The following TMEM117 variants were observed in gnomAD, a reference collection of about 807,000 sequenced individuals.
TMEM117 encodes transmembrane protein 117.
A neutral mutation model predicts 52.4 loss-of-function variants in TMEM117; 27 were observed. The observed-to-expected ratio is 0.51, with a 90% CI of 0.38 to 0.71. The LOEUF is 0.71. Ranked by LOEUF, TMEM117 falls within the 30% of genes least tolerant of loss-of-function variation. The pLI is 0.00. For synonymous variants in TMEM117, 215 were observed against 206.3 expected (o/e 1.04, Z -0.36); for missense variants, 556 against 630.5 (o/e 0.88, Z 1.26).
intron 3 of TMEM117, among the ~76,000 whole-genome samples, chr12:44,085,845 A>AT (rs1033507664): frequency 3.0e-4 from 45 of 151,310 alleles, no homozygotes; most frequent in Admixed American, 8.6e-4. Context: ...TTCTTTAGCT[A>AT]TTTTTTTTTC....
chr12:44,116,797 A>G (rs758420674), intron 3 of TMEM117, among the ~76,000 whole-genome samples: 2 of 152,130 alleles, frequency 1.3e-5, no homozygotes, highest in Non-Finnish European at 2.9e-5. Context: ...TACAAATTCT[A>G]TTGGTTCTCA....
At chr12:44,234,609 T>A (rs1017252254) in intron 5 of TMEM117, among the ~76,000 whole-genome samples, 8 of 151,416 alleles carry the variant, frequency 5.3e-5, no homozygotes, top group South Asian at 2.1e-4. Context: ...TGCTCTTTTT[T>A]AATTCTCCTT....
intron 6 of TMEM117, among the ~76,000 whole-genome samples, chr12:44,332,206 G>A: frequency 6.6e-6 from 1 of 152,020 alleles, no homozygotes; most frequent in East Asian, 1.9e-4. Context: ...CTATAAAATG[G>A]GGGTAATAAA....
At chr12:43,817,065 A>G in the TMEM117 span, among the ~76,000 whole-genome samples, 37 of 152,372 alleles carry the variant, frequency 2.4e-4, no homozygotes, top group South Asian at 7.5e-3. Flanking sequence ...AAAGGCCCAC[A>G]TTTAAATGAA....
intron 3 of TMEM117, among the ~76,000 whole-genome samples, chr12:44,065,660 T>C (rs1023511178): frequency 6.6e-6 from 1 of 152,152 alleles, no homozygotes; most frequent in Admixed American, 6.5e-5. Context: ...AAAGCAGTTG[T>C]GTTGAGGGCT....
At chr12:44,037,869 G>A (rs1419863758) in intron 3 of TMEM117, among the ~76,000 whole-genome samples, 1 of 151,686 alleles carries the variant, frequency 6.6e-6, no homozygotes, top group East Asian at 2.0e-4. Context: ...TGAGAGAGGA[G>A]CACTCCAGGG....
At chr12:44,224,084 G>C (rs912852643) in intron 5 of TMEM117, among the ~76,000 whole-genome samples, 1 of 151,956 alleles carries the variant, frequency 6.6e-6, no homozygotes, top group Non-Finnish European at 1.5e-5. Flanking sequence ...ATGAAGAAAA[G>C]ACCTTTAACT....
intron 3 of TMEM117, among the ~76,000 whole-genome samples, chr12:43,988,521 T>C (rs1945884440): frequency 6.6e-6 from 1 of 152,160 alleles, no homozygotes; most frequent in Non-Finnish European, 1.5e-5. Context: ...AGAATGAAAG[T>C]ATGTAGTCTT....
At chr12:44,183,312 G>C (rs1949231415) in intron 4 of TMEM117, among the ~76,000 whole-genome samples, 1 of 152,174 alleles carries the variant, frequency 6.6e-6, no homozygotes, top group Non-Finnish European at 1.5e-5. Context: ...ACTGTGGTGT[G>C]ATCTTAGTAA....
intron 5 of TMEM117, among the ~76,000 whole-genome samples, chr12:44,227,000 A>G (rs1216248470): frequency 6.6e-6 from 1 of 152,106 alleles, no homozygotes; most frequent in Non-Finnish European, 1.5e-5. Flanking sequence ...TTTTTAAATA[A>G]GGAGTCAAGA....
intron 4 of TMEM117, among the ~76,000 whole-genome samples, chr12:44,148,228 C>T (rs1211686213): frequency 1.3e-5 from 2 of 152,202 alleles, no homozygotes; most frequent in East Asian, 1.9e-4. Flanking sequence ...TTATAGTGAC[C>T]GTCTGTTTAT....
intron 1 of TMEM117, among the ~76,000 whole-genome samples, chr12:43,842,771 G>T (rs999655663): frequency 1.4e-4 from 21 of 151,898 alleles, no homozygotes; most frequent in South Asian, 2.1e-4. Context: ...TTTTTTTTAT[G>T]CATTAGAAGT....
intron 5 of TMEM117, among the ~76,000 whole-genome samples, chr12:44,289,008 A>T (rs951733907): frequency 6.6e-6 from 1 of 152,146 alleles, no homozygotes; most frequent in Non-Finnish European, 1.5e-5. Flanking sequence ...TTCAAACAAC[A>T]TCTCCCAATT....
intron 6 of TMEM117, among the ~76,000 whole-genome samples, chr12:44,351,845 T>G (rs1251625182): frequency 6.6e-6 from 1 of 151,970 alleles, no homozygotes; most frequent in Non-Finnish European, 1.5e-5. Flanking sequence ...TTTTGACAAC[T>G]CTTCCTGAGT....
At chr12:44,369,148 C>A (rs1189841718) in intron 6 of TMEM117, among the ~76,000 whole-genome samples, 1 of 152,146 alleles carries the variant, frequency 6.6e-6, no homozygotes, top group Non-Finnish European at 1.5e-5. Context: ...TTCCTAGATG[C>A]CACATGATGC....
intron 6 of TMEM117, among the ~76,000 whole-genome samples, chr12:44,339,728 A>T (rs1465050060): frequency 6.6e-6 from 1 of 151,972 alleles, no homozygotes; most frequent in Admixed American, 6.6e-5. Context: ...AGCCCTTAAA[A>T]ATTTCTGCTG....
chr12:43,885,737 T>C (rs1675756), intron 2 of TMEM117, among the ~76,000 whole-genome samples: 108,991 of 152,020 alleles, frequency 0.72, 42,170 homozygotes, highest in East Asian at 0.87. Flanking sequence ...AATTTCACCA[T>C]AATATGGTAG....
intron 3 of TMEM117, among the ~76,000 whole-genome samples, chr12:44,055,279 C>A (rs910065005): frequency 4.6e-5 from 7 of 151,988 alleles, no homozygotes; most frequent in Non-Finnish European, 8.8e-5. Context: ...AAATTTTGTA[C>A]ATCTGTACTG....
intron 3 of TMEM117, among the ~76,000 whole-genome samples, chr12:44,012,408 T>C (rs1946307641): frequency 6.6e-6 from 1 of 151,656 alleles, no homozygotes; most frequent in African/African-American, 2.4e-5. Flanking sequence ...TTTTTTTTTT[T>C]CTGTTGCTTC....
Sources: allele counts gnomAD v4.1 joint callset (sites outside exome capture counted in the v4.1 genomes callset), GRCh38; gene constraint gnomAD v4.1.1; transcripts MANE v1.5; gene names NCBI Gene and HGNC (gene_info 2026-07-23, HGNC 2026-07-21).